NPAS3: variants seen among roughly 807,000 people sequenced by gnomAD.
NPAS3 encodes the protein neuronal PAS domain protein 3.
A neutral mutation model predicts 73.1 loss-of-function variants in NPAS3; 14 were observed. The observed-to-expected ratio is 0.19, with a 90% confidence interval of 0.13 to 0.30. NPAS3 has a LOEUF of 0.30. Ranked by LOEUF, NPAS3 falls within the 10% of genes least tolerant of loss-of-function variation. NPAS3 has a pLI of 1.00. For missense variants in NPAS3, 1,096 were observed against 1,250.0 expected, an observed-to-expected ratio of 0.88 and a Z score of 1.86; for synonymous variants, 620 against 541.5, an observed-to-expected ratio of 1.14 and a Z score of -2.01.
chr14:33,078,540 A>AC (rs2041752136), intron 2 of NPAS3, among the ~76,000 whole-genome samples: 1 of 83,782 alleles, frequency 1.2e-5, no homozygotes, highest in South Asian at 5.0e-4. Context: ...ACCAAAAAAA[A>AC]AAAAACAAAC....
intron 5 of NPAS3, among the ~76,000 whole-genome samples, chr14:33,638,741 A>T (rs775476580): frequency 6.6e-6 from 1 of 152,222 alleles, no homozygotes. Context: ...AAGCCACGTA[A>T]CTGTTAGAGC....
At chr14:32,938,468 A>AGAGAGAGAGAGAGAAATT (rs1555372877), upstream of NPAS3, among the ~76,000 whole-genome samples, 281 of 125,016 alleles carry the variant, frequency 2.2e-3, 2 homozygotes, top group African/African-American at 4.4e-3. Flanking sequence ...AGAGAGAGAG[A>AGAGAGAGAGAGAGAAATT]GAGAGAGAGA....
At chr14:33,737,572 A>G (rs755726324) in intron 7 of NPAS3, among the ~76,000 whole-genome samples, 12 of 152,082 alleles carry the variant, frequency 7.9e-5, no homozygotes, top group Admixed American at 1.3e-4. Flanking sequence ...TACCAACAAA[A>G]GTTGATTCAT....
chr14:33,036,074 G>A lies in NPAS3; in HGVS notation c.51-19831G>A, dbSNP rs548146795. The stretch of plus-strand genomic sequence containing the variant: ...GACTTCCCTGATGTTTGAGCTGAAA[G>A]ATCCTTGTGTTATGCCACAGCCATA... On this transcript the variant is annotated intron_variant, in intron 1 of 11. Transcript: ENST00000356141. Among the ~76,000 whole-genome samples the A allele has an allele frequency of 1.1e-4, 17 of 152,266 alleles. No individual in the cohort carries two copies. The East Asian group carries it at 3.3e-3, about 29-fold the overall frequency.
chr14:33,335,043 C>CGT (rs59212032), intron 3 of NPAS3, among the ~76,000 whole-genome samples: 1,833 of 147,046 alleles, frequency 0.012, 14 homozygotes, highest in Middle Eastern at 0.035. Context: ...TGTGTGTGTG[C>CGT]GTGTGTGTGT....
intron 2 of NPAS3, among the ~76,000 whole-genome samples, chr14:33,148,657 A>C (rs75952685): frequency 3.0e-4 from 46 of 152,242 alleles, no homozygotes; most frequent in Middle Eastern, 3.4e-3. Flanking sequence ...AAAATCATTT[A>C]TGTGATTTGC....
intron 4 of NPAS3, among the ~76,000 whole-genome samples, chr14:33,390,977 G>A (rs1052212951): frequency 6.6e-6 from 1 of 152,092 alleles, no homozygotes; most frequent in African/African-American, 2.4e-5. Flanking sequence ...TTTTACAAAT[G>A]TGTACCTTGG....
At chr14:33,193,126 T>G (rs1166894622) in intron 2 of NPAS3, among the ~76,000 whole-genome samples, 7 of 152,190 alleles carry the variant, frequency 4.6e-5, no homozygotes, top group African/African-American at 1.7e-4. Context: ...TGGCTTTGTT[T>G]TGGCTTTTTA....
At chr14:33,325,380 G>T (rs1215263345) in intron 3 of NPAS3, among the ~76,000 whole-genome samples, 1 of 152,168 alleles carries the variant, frequency 6.6e-6, no homozygotes, top group African/African-American at 2.4e-5. Context: ...AGTGGCTCAC[G>T]CCTGTAATCC....
intron 3 of NPAS3, among the ~76,000 whole-genome samples, chr14:33,283,464 A>C (rs1307087195): frequency 6.6e-6 from 1 of 152,194 alleles, no homozygotes; most frequent in Non-Finnish European, 1.5e-5. Context: ...TATCACTATC[A>C]ATTTATGTTT....
intron 4 of NPAS3, among the ~76,000 whole-genome samples, chr14:33,463,566 G>A (rs968064342): frequency 1.3e-5 from 2 of 152,158 alleles, no homozygotes; most frequent in East Asian, 1.9e-4. Flanking sequence ...TAAATATTAA[G>A]TAAAAGCTCC....
intron 6 of NPAS3, among the ~76,000 whole-genome samples, chr14:33,709,159 C>A (rs1285667021): frequency 6.6e-6 from 1 of 152,212 alleles, no homozygotes; most frequent in Non-Finnish European, 1.5e-5. Flanking sequence ...CGGCACATAA[C>A]TGAAGCTCTT....
At chr14:33,427,569 C>T (rs2048608307) in intron 4 of NPAS3, among the ~76,000 whole-genome samples, 1 of 151,790 alleles carries the variant, frequency 6.6e-6, no homozygotes. Flanking sequence ...CACAGCTAGA[C>T]ATTCACGATG....
At chr14:33,329,150 G>A (rs1030741627) in intron 3 of NPAS3, among the ~76,000 whole-genome samples, 3 of 152,066 alleles carry the variant, frequency 2.0e-5, no homozygotes, top group Non-Finnish European at 4.4e-5. Flanking sequence ...ACATCCATTC[G>A]CAGAGCAGAT....
chr14:33,576,788 C>T (rs933256364), intron 5 of NPAS3, among the ~76,000 whole-genome samples: 13 of 152,194 alleles, frequency 8.5e-5, no homozygotes, highest in African/African-American at 3.1e-4. Flanking sequence ...GTTTGCGAGA[C>T]ATTCCTACCC....
upstream of NPAS3, chr14:32,939,249 G>T: frequency 2.8e-6 from 1 of 357,754 alleles, no homozygotes; most frequent in Non-Finnish European, 5.8e-6. Context: ...ACCCCCGCCC[G>T]CCCACGCCCC....
At chr14:33,305,494 G>A (rs117989668) in intron 3 of NPAS3, among the ~76,000 whole-genome samples, 6,107 of 152,104 alleles carry the variant, frequency 0.04, 143 homozygotes, top group Non-Finnish European at 0.06. Flanking sequence ...ACTGTGAATG[G>A]GGCTCTTAAT....
At position 32,998,276 on chromosome 14, in the gene NPAS3, A is replaced by G. The variant is rs2783754; in HGVS notation, c.51-57629A>G. On this transcript the variant is annotated intron_variant, in intron 1 of 11. Transcript: ENST00000356141. The stretch of plus-strand genomic sequence containing the variant: ...CGCTAAGTGAAAGAAGCCAGAAACA[A>G]AAGGTCACATATGCTATGATTTCAT... Among the ~76,000 whole-genome samples, 101 of 152,366 alleles carry G rather than the reference A, an allele frequency of 6.6e-4. 2 individuals are homozygous for G. The East Asian group carries it at 0.017, about 25-fold the overall frequency.
At chr14:32,951,075 G>A (rs1213855920) in intron 1 of NPAS3, among the ~76,000 whole-genome samples, 4 of 152,104 alleles carry the variant, frequency 2.6e-5, no homozygotes, top group African/African-American at 9.7e-5. Flanking sequence ...GGGAACTAGT[G>A]CAGCAGCATG....
Sources: gnomAD v4.1 joint callset for allele counts (sites outside exome capture counted in the v4.1 genomes callset) on GRCh38, gnomAD v4.1.1 for gene constraint, MANE v1.5 for transcripts, NCBI Gene and HGNC (gene_info 2026-07-23, HGNC 2026-07-21) for gene names.